The following GRIK1 variants were observed in gnomAD, a reference collection of about 807,000 sequenced individuals.
GRIK1 encodes glutamate receptor ionotropic, kainate 1.
Under a neutral mutation model 105.7 loss-of-function variants are expected in GRIK1, and 69 were observed. The observed-to-expected ratio is 0.65, with a 90% CI of 0.54 to 0.80. The LOEUF is 0.80. Among genes scored for constraint, GRIK1 ranks in the 30% least tolerant of loss-of-function variants. The pLI, the probability that GRIK1 is intolerant of heterozygous loss-of-function variation, is 0.00. For synonymous variants in GRIK1, 438 were observed against 431.3 expected, an observed-to-expected ratio of 1.02 and a Z score of -0.19; for missense variants, 1,109 against 1,167.3, an observed-to-expected ratio of 0.95 and a Z score of 0.73.
At chr21:29,679,159 T>C (rs2063327246) in intron 3 of GRIK1, among the ~76,000 whole-genome samples, 1 of 152,224 alleles carries the variant, frequency 6.6e-6, no homozygotes, top group South Asian at 2.1e-4. Flanking sequence ...TTTCATTTCA[T>C]GTATGTTTTC....
intron 1 of GRIK1, chr21:29,758,771 G>A (rs1160743607): frequency 2.6e-5 from 4 of 152,584 alleles, no homozygotes; most frequent in Admixed American, 1.3e-4. Flanking sequence ...CCTCTTTTTA[G>A]GTCATTAGTG....
At chr21:29,800,092 G>T (rs993779122) in intron 1 of GRIK1, among the ~76,000 whole-genome samples, 2 of 152,190 alleles carry the variant, frequency 1.3e-5, no homozygotes, top group African/African-American at 2.4e-5. Flanking sequence ...CATGGCATGA[G>T]AATTTAGACA....
At chr21:29,870,045 T>A (rs927357461) in intron 1 of GRIK1, among the ~76,000 whole-genome samples, 4 of 152,208 alleles carry the variant, frequency 2.6e-5, no homozygotes, top group Non-Finnish European at 4.4e-5. Flanking sequence ...TTATGCCCTA[T>A]GTTCCTCATA....
At chr21:29,876,984 G>T (rs974572662) in intron 1 of GRIK1, among the ~76,000 whole-genome samples, 2 of 152,048 alleles carry the variant, frequency 1.3e-5, no homozygotes, top group Non-Finnish European at 2.9e-5. Flanking sequence ...AAAATAAGAG[G>T]CTTAAACACA....
In GRIK1 at chr21:29,795,027, A is replaced by ATTTTTTT. The variant is rs1569102231; in HGVS notation, c.119-100965_119-100964insAAAAAAA. Among the ~76,000 whole-genome samples, 93 of 82,130 alleles carry ATTTTTTT rather than the reference A, an allele frequency of 1.1e-3. 5 individuals carry two copies. Among genetic ancestry groups the ATTTTTTT allele is most frequent in the African/African-American group, 2.4e-3 (57 of 23,752 alleles). 53.9% of individuals were successfully genotyped at this position (82,130 alleles called of 152,430 possible). A position where few individuals can be genotyped will look rare whatever the true frequency, so the allele number is the denominator to read the frequency against. ...CCAAGCTTCCTGATGCTTTGCTCTA[A>ATTTTTTT]ATTTTTTTTTTTTTTTTTTTTTTTT... is the stretch of plus-strand genomic sequence containing the variant. On this transcript the variant is annotated intron_variant, in intron 1 of 17. Coordinates refer to ENST00000327783, the MANE Select transcript of GRIK1 (RefSeq NM_001330994.2).
At chr21:29,870,146 T>C (rs1262894597) in intron 1 of GRIK1, among the ~76,000 whole-genome samples, 1 of 152,236 alleles carries the variant, frequency 6.6e-6, no homozygotes, top group Non-Finnish European at 1.5e-5. Context: ...CTAGCAACCC[T>C]GTTTTAAACA....
chr21:29,702,308 T>A (rs112628083), intron 1 of GRIK1, among the ~76,000 whole-genome samples: 7,511 of 151,788 alleles, frequency 0.049, 222 homozygotes, highest in Non-Finnish European at 0.068. Context: ...AAGTTTTTTT[T>A]AAAAAAAAGT....
At chr21:29,926,550 T>A (rs1427469962) in intron 1 of GRIK1, among the ~76,000 whole-genome samples, 1 of 152,138 alleles carries the variant, frequency 6.6e-6, no homozygotes, top group Non-Finnish European at 1.5e-5. Context: ...AGTTATGAAA[T>A]GAAAAAGTTG....
At chr21:29,621,221 T>C (rs2061994437) in intron 7 of GRIK1, among the ~76,000 whole-genome samples, 1 of 152,152 alleles carries the variant, frequency 6.6e-6, no homozygotes, top group Non-Finnish European at 1.5e-5. Context: ...CATTAAAAAA[T>C]CATTTCTGAA....
At chr21:29,663,271 A>G (rs139711974) in intron 4 of GRIK1, among the ~76,000 whole-genome samples, 1 of 152,196 alleles carries the variant, frequency 6.6e-6, no homozygotes, top group Non-Finnish European at 1.5e-5. Context: ...ATAAAAGCAT[A>G]TGGTTATTTA....
At chr21:29,764,919 T>C (rs1455833332) in intron 1 of GRIK1, among the ~76,000 whole-genome samples, 1 of 152,228 alleles carries the variant, frequency 6.6e-6, no homozygotes, top group Non-Finnish European at 1.5e-5. Context: ...ACTTAGGGCT[T>C]TCAGTCTTCA....
Position 29,537,772 on chromosome 21 carries a change from A to G in GRIK1, c.2694+26T>C, listed in dbSNP as rs532647149. On this transcript the variant is annotated intron_variant, in intron 17 of 17. Transcript: ENST00000327783. ...GATTATCAAGGCATACGGACACTTCAGTAATGCTATAGAAAATGAACAAAC... is the reference window on the plus strand; with the variant it reads ...GATTATCAAGGCATACGGACACTTCGGTAATGCTATAGAAAATGAACAAAC... 5.6e-6 allele frequency: 6 copies of G among 1,062,856 alleles called. No homozygotes were observed. The Admixed American group carries it at 1.0e-4, about 18-fold the overall frequency. 65.8% of individuals were successfully genotyped at this position (1,062,856 alleles called of 1,614,324 possible). A position where few individuals can be genotyped will look rare whatever the true frequency, so the allele number is the denominator to read the frequency against.
intron 2 of GRIK1, among the ~76,000 whole-genome samples, chr21:29,690,746 A>AT (rs148286957): frequency 0.037 from 5,562 of 152,268 alleles, 270 homozygotes; most frequent in East Asian, 0.19. Context: ...ACATAAATGT[A>AT]TTTTTCTCAT....
chr21:29,752,032 T>C (rs1159031549), intron 1 of GRIK1, among the ~76,000 whole-genome samples: 1 of 152,240 alleles, frequency 6.6e-6, no homozygotes, highest in Non-Finnish European at 1.5e-5. Context: ...ATGCTAAGCC[T>C]TTTTAGTACT....
intron 1 of GRIK1, among the ~76,000 whole-genome samples, chr21:29,891,207 A>G (rs2069884628): frequency 6.6e-6 from 1 of 152,166 alleles, no homozygotes. Flanking sequence ...CCTTGTGTGG[A>G]AAAGCCAAAG....
At chr21:29,861,823 G>T in intron 1 of GRIK1, 1 of 265,334 alleles carries the variant, frequency 3.8e-6, no homozygotes, top group East Asian at 1.2e-4. Flanking sequence ...ATTTAATTAT[G>T]TTGTATAATT....
intron 1 of GRIK1, among the ~76,000 whole-genome samples, chr21:29,744,054 C>A (rs944825568): frequency 6.6e-6 from 1 of 152,124 alleles, no homozygotes; most frequent in Non-Finnish European, 1.5e-5. Context: ...TGTAATCAAC[C>A]TGCACTTGTA....
intron 16 of GRIK1, among the ~76,000 whole-genome samples, chr21:29,541,726 A>G (rs986197728): frequency 1.9e-4 from 29 of 151,802 alleles, no homozygotes; most frequent in Non-Finnish European, 3.7e-4. Context: ...GTGTTAAAAC[A>G]TAAATTTTCA....
chr21:29,836,078 C>G (rs1440283199), intron 1 of GRIK1, among the ~76,000 whole-genome samples: 1 of 152,202 alleles, frequency 6.6e-6, no homozygotes, highest in Non-Finnish European at 1.5e-5. Context: ...GCCCACTGTT[C>G]TATTACAAGC....
Sources: allele counts gnomAD v4.1 joint callset (sites outside exome capture counted in the v4.1 genomes callset), GRCh38; gene constraint gnomAD v4.1.1; transcripts MANE v1.5; gene names NCBI Gene and HGNC (gene_info 2026-07-23, HGNC 2026-07-21).